The following KIF13B variants were observed in gnomAD, a reference collection of about 807,000 sequenced individuals.
KIF13B encodes kinesin family member 13B, also known as kinesin-like protein KIF13B.
A neutral mutation model predicts 222.0 loss-of-function variants in KIF13B; 127 were observed. That is an observed-to-expected ratio of 0.57 (90% CI 0.50 to 0.66). The LOEUF (loss-of-function observed/expected upper bound fraction) is 0.66, where lower values mean the gene tolerates loss of function less well. Ranked by LOEUF, KIF13B falls within the 30% of genes least tolerant of loss-of-function variation. The pLI is 0.00. For synonymous variants in KIF13B, 976 were observed against 919.0 expected (o/e 1.06, Z -1.12); for missense variants, 2,173 against 2,379.0 (o/e 0.91, Z 1.80).
intron 2 of KIF13B, among the ~76,000 whole-genome samples, chr8:29,209,034 T>C (rs1358835473): frequency 6.6e-6 from 1 of 152,222 alleles, no homozygotes; most frequent in Non-Finnish European, 1.5e-5. Flanking sequence ...TTTATTTCCA[T>C]AGGCTGATCA....
chr8:29,162,297 G>A (rs1456212411), intron 12 of KIF13B, among the ~76,000 whole-genome samples: 1 of 152,148 alleles, frequency 6.6e-6, no homozygotes, highest in Non-Finnish European at 1.5e-5. Context: ...CTATTTCTAG[G>A]CATGCCATCG....
chr8:29,087,599 T>C (rs1808099045), intron 37 of KIF13B, among the ~76,000 whole-genome samples: 1 of 152,168 alleles, frequency 6.6e-6, no homozygotes, highest in African/African-American at 2.4e-5. Context: ...GCTAACACCT[T>C]TCAAAAGCAA....
chr8:29,180,034 G>C, intron 8 of KIF13B, 70 bp downstream of exon 8: 2 of 1,563,894 alleles, frequency 1.3e-6, no homozygotes. Flanking sequence ...TCTAACACCT[G>C]AAGAGGAAAA....
intron 2 of KIF13B, among the ~76,000 whole-genome samples, chr8:29,206,982 T>C (rs1813975348): frequency 6.6e-6 from 1 of 152,162 alleles, no homozygotes; most frequent in African/African-American, 2.4e-5. Context: ...CCCTGCTTCA[T>C]GCCCTCCTGG....
Position 29,155,852 on chromosome 8 carries a change from T to A in KIF13B, c.1409A>T (p.His470Leu). The A allele has an allele frequency of 6.4e-7, 1 of 1,571,740 alleles. No individual in the cohort carries two copies. The highest frequency in any genetic ancestry group is 1.2e-5 in the South Asian group (1 of 85,934). Residue 470 changes from histidine (H) to leucine (L), a missense_variant, in exon 14 of 40, where the codon CAT becomes CTT. Around this residue, in one of 2 missense-constraint regions of KIF13B, gnomAD observed 1,480 missense variants for 1,722.8 expected, o/e 0.86. Coordinates refer to ENST00000524189, the MANE Select transcript of KIF13B (RefSeq NM_015254.4). The part of the protein sequence containing the change: ...NELLVYYLKE[H>L]TLIGSANSQD... ...GGAATTTGCTGACCCTATCAATGTA[T>A]GTTCCTAAGAAAAAACCAAATTCAC...
At chr8:29,122,491 G>C (rs1169932597) in intron 29 of KIF13B, 100 bp downstream of exon 29, 1 of 917,860 alleles carries the variant, frequency 1.1e-6, no homozygotes, top group South Asian at 1.5e-5. Flanking sequence ...CTAGCCTTAG[G>C]GGGACAGAAT....
chr8:29,143,133 C>T (rs534275280), intron 18 of KIF13B, among the ~76,000 whole-genome samples: 32 of 152,264 alleles, frequency 2.1e-4, no homozygotes, highest in African/African-American at 7.7e-4. Flanking sequence ...GGATTATAGG[C>T]ATGAGCCACC....
At chr8:29,147,755 A>G (rs1347613672) in intron 16 of KIF13B, among the ~76,000 whole-genome samples, 153 bp from the exon 17 acceptor site, 1 of 152,198 alleles carries the variant, frequency 6.6e-6, no homozygotes, top group Non-Finnish European at 1.5e-5. Flanking sequence ...CTGACTTTCA[A>G]TCACTCATGT....
chr8:29,240,523 C>A (rs1422336035), intron 2 of KIF13B, among the ~76,000 whole-genome samples: 1 of 152,202 alleles, frequency 6.6e-6, no homozygotes, highest in African/African-American at 2.4e-5. Context: ...CTGATAGGTA[C>A]ATAAAAGTGT....
intron 1 of KIF13B, among the ~76,000 whole-genome samples, chr8:29,252,754 A>C (rs1239677203): frequency 3.9e-5 from 6 of 152,152 alleles, no homozygotes; most frequent in African/African-American, 1.4e-4. Context: ...ATTGGAATAT[A>C]ATATTTAATG....
rs1017441874 is a variant in KIF13B at position 29,158,925 on chromosome 8, T to C, written c.1404+1808A>G. On this transcript the variant is annotated intron_variant, in intron 13 of 39. Transcript: ENST00000524189. ...TATGAATCAGAGTTTTTTCTTGATA[T>C]GTGTGTTTGTGTGTACCAATTTGAA... 2.1e-4 allele frequency among the ~76,000 whole-genome samples: 32 copies of C among 152,348 alleles called. 1 individual carries two copies. Among genetic ancestry groups the C allele is most frequent in the Admixed American group, 1.8e-3 (28 of 15,300 alleles).
At position 29,176,189 on chromosome 8, in the gene KIF13B, G is replaced by C. The variant is rs1812470600; in HGVS notation, c.834-10C>G. Reference sequence around the variant, plus strand: ...GAGGGTTGTGAGGGACCTGCATGGTGCAACAAACCAAAATAATTACAAAAA... The same window carrying C: ...GAGGGTTGTGAGGGACCTGCATGGTCCAACAAACCAAAATAATTACAAAAA... On this transcript the variant is annotated splice_polypyrimidine_tract_variant and intron_variant, in intron 9 of 39. Coordinates refer to ENST00000524189, the MANE Select transcript of KIF13B (RefSeq NM_015254.4). The C allele has an allele frequency of 6.8e-7, 1 of 1,480,558 alleles. No individual in the cohort carries two copies. Among genetic ancestry groups the C allele is most frequent in the South Asian group, 1.2e-5 (1 of 85,626 alleles). 91.7% of individuals were successfully genotyped at this position (1,480,558 alleles called of 1,614,324 possible).
Position 29,116,816 on chromosome 8 carries a change from C to G in KIF13B, c.3837+15G>C. 71 of 1,266,668 alleles carry G rather than the reference C, an allele frequency of 5.6e-5. No homozygotes were observed. The highest frequency in any genetic ancestry group is 9.5e-5 in the East Asian group (3 of 31,718). The allele number at this position is 1,266,668 out of a possible 1,614,324, so 78.5% of individuals were successfully genotyped here. A position where few individuals can be genotyped will look rare whatever the true frequency, so the allele number is the denominator to read the frequency against. On this transcript the variant is annotated intron_variant, in intron 31 of 39. Transcript: ENST00000524189. ...GCAACTGTGGTTAGAGTCGTTTCTT[C>G]CACTGAAGACTAACCTGGCGGCCGT...
intron 21 of KIF13B, chr8:29,138,694 C>T (rs1002738269): frequency 2.6e-5 from 4 of 152,128 alleles, no homozygotes; most frequent in African/African-American, 7.2e-5. Context: ...TCTTAACATA[C>T]TAAGTAACAC....
intron 37 of KIF13B, among the ~76,000 whole-genome samples, chr8:29,087,996 A>G (rs1011409299): frequency 2.6e-5 from 4 of 152,192 alleles, no homozygotes; most frequent in African/African-American, 9.7e-5. Flanking sequence ...GGCTGGGCGC[A>G]GTGGTTCACG....
At chr8:29,151,499 G>A (rs1811295656) in intron 14 of KIF13B, among the ~76,000 whole-genome samples, 1 of 152,198 alleles carries the variant, frequency 6.6e-6, no homozygotes, top group Non-Finnish European at 1.5e-5. Flanking sequence ...GATTCTCTTA[G>A]GGGCTAATGT....
intron 37 of KIF13B, among the ~76,000 whole-genome samples, chr8:29,081,070 G>T (rs572517852): frequency 4.6e-4 from 70 of 152,354 alleles, no homozygotes; most frequent in Non-Finnish European, 8.2e-4. Context: ...GGCAGGTCCT[G>T]CATGGTGTAT....
intron 10 of KIF13B, among the ~76,000 whole-genome samples, chr8:29,171,721 A>C (rs1265256026): frequency 6.7e-6 from 1 of 150,270 alleles, no homozygotes; most frequent in African/African-American, 2.4e-5. Context: ...TGTGAAGTCC[A>C]AATGACGTTA....
intron 35 of KIF13B, among the ~76,000 whole-genome samples, chr8:29,102,175 G>T (rs991222514): frequency 1.3e-5 from 2 of 152,014 alleles, no homozygotes; most frequent in African/African-American, 4.8e-5. Flanking sequence ...GGACTAAAAA[G>T]GACTTCGCAG....
Sources: allele counts gnomAD v4.1 joint callset (sites outside exome capture counted in the v4.1 genomes callset), GRCh38; gene constraint gnomAD v4.1.1; regional missense constraint gnomAD v4.1.1; transcripts MANE v1.5; gene names NCBI Gene and HGNC (gene_info 2026-07-23, HGNC 2026-07-21).